Variants in ZFR2 observed in about 807,000 individuals in gnomAD.
ZFR2 encodes the protein zinc finger RNA-binding protein 2.
Under a neutral mutation model 105.7 loss-of-function variants are expected in ZFR2, and 104 were observed. The ratio of observed to expected loss-of-function variants is 0.98; its 90% confidence interval spans 0.84 to 1.16. ZFR2 has a LOEUF of 1.16. ZFR2 is among the 50% of genes most tolerant of loss of function. The probability of loss-of-function intolerance (pLI) is 0.00; values close to 1 mark genes in which losing one functional copy is unlikely to be tolerated. For synonymous variants in ZFR2, 634 were observed against 597.7 expected (o/e 1.06, Z -0.89); for missense variants, 1,425 against 1,355.5 (o/e 1.05, Z -0.80).
At chr19:3,819,851 T>TCAAAAGAAAAAAAAA (rs2037869558) in intron 11 of ZFR2, among the ~76,000 whole-genome samples, 1 of 58,172 alleles carries the variant, frequency 1.7e-5, no homozygotes, top group Non-Finnish European at 3.8e-5. Flanking sequence ...AGACTCTGTC[T>TCAAAAGAAAAAAAAA]CAAAAAAAAA....
intron 11 of ZFR2, among the ~76,000 whole-genome samples, chr19:3,819,735 C>T (rs2037868427): frequency 6.6e-6 from 1 of 152,084 alleles, no homozygotes; most frequent in Non-Finnish European, 1.5e-5. Flanking sequence ...GCCCATAGTC[C>T]TGGCTACTCA....
At chr19:3,845,911 G>A (rs989106045) in intron 1 of ZFR2, among the ~76,000 whole-genome samples, 32 of 152,208 alleles carry the variant, frequency 2.1e-4, no homozygotes, top group Non-Finnish European at 1.6e-4. Flanking sequence ...GGAAAAGGGC[G>A]CGGATTCAGC....
chr19:3,820,477 G>C (rs188402236), intron 10 of ZFR2, among the ~76,000 whole-genome samples, 187 bp from the exon 11 acceptor site: 4 of 152,272 alleles, frequency 2.6e-5, no homozygotes, highest in Non-Finnish European at 5.9e-5. Context: ...AGGCTGGTGT[G>C]GGGGGCAGCC....
rs781346721 is a variant in ZFR2 at position 3,821,334 on chromosome 19, G to A, written c.1631+6C>T. 109 of 1,582,778 alleles carry A rather than the reference G, an allele frequency of 6.9e-5. No individual in the cohort carries two copies. The highest frequency in any genetic ancestry group is 2.2e-4 in the Middle Eastern group (1 of 4,508). On this transcript the variant is annotated splice_donor_region_variant and intron_variant, in intron 10 of 18. Coordinates refer to ENST00000262961, the MANE Select transcript of ZFR2 (RefSeq NM_015174.2). ...GGCCCCCTTGCCAAGACCCGCAGCC[G>A]GGCACCTCCTCTCCGCGTGCCAGCG...
chr19:3,829,220 C>A lies in ZFR2; in HGVS notation c.853-1567G>T, dbSNP rs556143321. 2.2e-3 allele frequency among the ~76,000 whole-genome samples: 334 copies of A among 152,206 alleles called. 3 individuals are homozygous for A. The highest frequency in any genetic ancestry group is 7.7e-3 in the African/African-American group (321 of 41,524). Reference sequence around the variant, plus strand: ...CAGGCGATCCTCCCACCTCAGCCTCCCAAAGTGCTGGGATTACAGGTGTGA... The same window carrying A: ...CAGGCGATCCTCCCACCTCAGCCTCACAAAGTGCTGGGATTACAGGTGTGA... On this transcript the variant is annotated intron_variant, in intron 5 of 18. Transcript: ENST00000262961.
intron 1 of ZFR2, among the ~76,000 whole-genome samples, chr19:3,846,737 C>T (rs1056857506): frequency 1.3e-5 from 2 of 152,202 alleles, no homozygotes; most frequent in African/African-American, 4.8e-5. Context: ...ACAATTCATT[C>T]ACCTGTTTTC....
In ZFR2 at chr19:3,823,809, A is replaced by G. The variant is rs1340503855; in HGVS notation, c.1214-406T>C. Among the ~76,000 whole-genome samples, 1 of 152,192 alleles carries G rather than the reference A, an allele frequency of 6.6e-6. No individual in the cohort carries two copies. The highest frequency in any genetic ancestry group is 1.5e-5 in the Non-Finnish European group (1 of 68,036). On this transcript the variant is annotated intron_variant, in intron 7 of 18. Transcript: ENST00000262961. The surrounding 1 kb of genome is among the most constrained non-coding windows in gnomAD (Gnocchi z 5.4). The stretch of plus-strand genomic sequence containing the variant: ...GTTATAAGAATGACTTGATGGTTTG[A>G]TCTTCAAAATCATGTTGCTATTCAA...
chr19:3,851,743 C>T (rs2038240069), intron 1 of ZFR2: 1 of 152,442 alleles, frequency 6.6e-6, no homozygotes, highest in Non-Finnish European at 1.5e-5. Context: ...TTTTAAGTGA[C>T]TGGAAAAAGT....
intron 17 of ZFR2, among the ~76,000 whole-genome samples, chr19:3,807,642 TGTGC>T (rs1404873041): frequency 6.6e-6 from 1 of 151,734 alleles, no homozygotes; most frequent in African/African-American, 2.4e-5. Flanking sequence ...TGTGCCTGTG[TGTGC>T]ATGTGTGCCC....
intron 1 of ZFR2, chr19:3,852,556 A>G (rs926369328): frequency 1.4e-6 from 1 of 718,524 alleles, no homozygotes; most frequent in African/African-American, 1.7e-5. Flanking sequence ...CCAACTGTCC[A>G]AGGCAGGGCA....
intron 1 of ZFR2, among the ~76,000 whole-genome samples, chr19:3,847,293 G>A (rs1382700385): frequency 6.6e-6 from 1 of 152,186 alleles, no homozygotes; most frequent in Non-Finnish European, 1.5e-5. Flanking sequence ...GGAGGCAGAG[G>A]CAGGAGGATC....
chr19:3,853,259 C>T (rs2038260806), intron 1 of ZFR2, among the ~76,000 whole-genome samples: 1 of 152,182 alleles, frequency 6.6e-6, no homozygotes, highest in Non-Finnish European at 1.5e-5. Flanking sequence ...CACAGCCCTC[C>T]CCGGGTTCCC....
chr19:3,847,110 G>C (rs1220041086), intron 1 of ZFR2, among the ~76,000 whole-genome samples: 1 of 152,186 alleles, frequency 6.6e-6, no homozygotes, highest in Non-Finnish European at 1.5e-5. Flanking sequence ...CGGCTTGAGT[G>C]TCCTCACAAC....
intron 2 of ZFR2, 98 bp from the exon 3 acceptor site, chr19:3,833,876 T>C: frequency 2.1e-6 from 2 of 930,480 alleles, no homozygotes; most frequent in Non-Finnish European, 3.3e-6. Flanking sequence ...CTGCACTTAG[T>C]CCTTCCTGCA....
In ZFR2 at chr19:3,823,741, G is replaced by A. The variant is rs112658152; in HGVS notation, c.1214-338C>T. On this transcript the variant is annotated intron_variant, in intron 7 of 18. Coordinates refer to ENST00000262961, the MANE Select transcript of ZFR2 (RefSeq NM_015174.2). The surrounding 1 kb of genome is among the most constrained non-coding windows in gnomAD (Gnocchi z 5.4). ...CAAGGCTCGCACTTAACCTACCCCCGTTAGGCGAAATGATGGAGCCTCGGG... is the reference window on the plus strand; with the variant it reads ...CAAGGCTCGCACTTAACCTACCCCCATTAGGCGAAATGATGGAGCCTCGGG... Among the ~76,000 whole-genome samples, 12 of 152,154 alleles carry A rather than the reference G, an allele frequency of 7.9e-5. No individual in the cohort carries two copies. Among genetic ancestry groups the A allele is most frequent in the African/African-American group, 2.7e-4 (11 of 41,424 alleles).
At chr19:3,844,507 A>C (rs1367237585) in intron 1 of ZFR2, among the ~76,000 whole-genome samples, 1 of 151,842 alleles carries the variant, frequency 6.6e-6, no homozygotes, top group African/African-American at 2.4e-5. Context: ...ATCTGGGATT[A>C]CAGGCATCTG....
In ZFR2 at chr19:3,823,370, G is replaced by T; in HGVS notation, c.1247C>A (p.Pro416His). Reference sequence around the variant, plus strand: ...AGGTTGGGCTGGTTTCCCCCACTGGGGTCTGCAGCCTGCTGCCTGTGGCTC... The same window carrying T: ...AGGTTGGGCTGGTTTCCCCCACTGGTGTCTGCAGCCTGCTGCCTGTGGCTC... ...PPEPQAAGCRPQWGKPAQPKL... is the reference protein window; with the variant it reads ...PPEPQAAGCRHQWGKPAQPKL... The change falls in exon 8 of 19, where the codon CCC becomes CAC. Residue 416 changes from proline to histidine, a missense_variant. Coordinates refer to ENST00000262961, the MANE Select transcript of ZFR2 (RefSeq NM_015174.2). The surrounding 1 kb of genome is among the most constrained non-coding windows in gnomAD (Gnocchi z 5.4). The T allele has an allele frequency of 6.2e-7, 1 of 1,613,006 alleles. No individual in the cohort carries two copies. Among genetic ancestry groups the T allele is most frequent in the South Asian group, 1.1e-5 (1 of 91,062 alleles).
intron 1 of ZFR2, among the ~76,000 whole-genome samples, chr19:3,854,833 A>C (rs2038279849): frequency 6.6e-6 from 1 of 152,220 alleles, no homozygotes; most frequent in African/African-American, 2.4e-5. Flanking sequence ...ATGCAATCAT[A>C]GCTCACTGCA....
intron 5 of ZFR2, among the ~76,000 whole-genome samples, chr19:3,829,487 T>G (rs1422413395): frequency 6.6e-6 from 1 of 151,418 alleles, no homozygotes; most frequent in Non-Finnish European, 1.5e-5. Flanking sequence ...TGTGTTTTGT[T>G]GTTGTTGTTG....
Sources: allele counts gnomAD v4.1 joint callset (sites outside exome capture counted in the v4.1 genomes callset), GRCh38; gene constraint gnomAD v4.1.1; non-coding constraint Gnocchi (gnomAD v3.1); transcripts MANE v1.5; gene names NCBI Gene and HGNC (gene_info 2026-07-23, HGNC 2026-07-21).